Variants in ANKRD55 observed in about 807,000 individuals in gnomAD.
ANKRD55 encodes ankyrin repeat domain-containing protein 55.
In ANKRD55, 41 loss-of-function variants were observed where a neutral mutation model predicts 60.6. The ratio of observed to expected loss-of-function variants is 0.68; its 90% CI spans 0.53 to 0.88. The LOEUF is 0.88. Among genes scored for constraint, ANKRD55 ranks in the 40% least tolerant of loss-of-function variants. ANKRD55 has a pLI of 0.00. For missense variants in ANKRD55, 732 were observed against 767.6 expected (o/e 0.95, Z 0.55); for synonymous variants, 264 against 290.3 (o/e 0.91, Z 0.92).
chr5:56,123,860 T>C (rs778788731), intron 8 of ANKRD55, among the ~76,000 whole-genome samples: 15 of 152,174 alleles, frequency 9.9e-5, no homozygotes, highest in Non-Finnish European at 2.1e-4. Context: ...AAACTTTAGC[T>C]CCTTCTTATC....
At chr5:56,127,676 A>G (rs779727001) in intron 7 of ANKRD55, 7 of 576,074 alleles carry the variant, frequency 1.2e-5, no homozygotes, top group Non-Finnish European at 1.5e-5. Flanking sequence ...ACAGTCTTGT[A>G]TCAGACTTCG....
chr5:56,219,227 C>A (rs367910755), intron 2 of ANKRD55, among the ~76,000 whole-genome samples: 4 of 138,220 alleles, frequency 2.9e-5, no homozygotes, highest in Non-Finnish European at 1.5e-5. Flanking sequence ...GAGCAGAGAT[C>A]GTGCCACTGC....
intron 2 of ANKRD55, among the ~76,000 whole-genome samples, chr5:56,232,124 A>G (rs1023002112): frequency 7.9e-5 from 12 of 152,256 alleles, no homozygotes; most frequent in Non-Finnish European, 1.5e-4. Context: ...ACTATTACAC[A>G]TAAGTATTAC....
At chr5:56,187,838 A>C (rs1320629303) in intron 2 of ANKRD55, among the ~76,000 whole-genome samples, 1 of 152,222 alleles carries the variant, frequency 6.6e-6, no homozygotes, top group African/African-American at 2.4e-5. Flanking sequence ...CAAGAACCCC[A>C]GGTCAGATAA....
rs749953333 is a variant in ANKRD55, at chr5:56,111,271, G to A, written c.1477C>T (p.Pro493Ser). ...RTGCQMLLDN[P>S]WKSDSNQVFS... The stretch of plus-strand genomic sequence containing the variant: ...ACCTGATTAGAATCACTCTTCCAGG[G>A]GTTATCTAGTAACATCTGGCAGCCA... The change falls in exon 10 of 12, where the codon CCC (proline) becomes TCC (serine). Residue 493 changes from proline to serine, a missense_variant. Around this residue, in one of 3 missense-constraint regions of ANKRD55, gnomAD observed 597 missense variants for 607.5 expected, o/e 0.98. Coordinates refer to ENST00000341048, the MANE Select transcript of ANKRD55 (RefSeq NM_024669.3). 8.1e-6 allele frequency: 13 copies of A among 1,614,080 alleles called. 1 individual carries two copies. The South Asian group carries it at 1.1e-4, about 14-fold the overall frequency.
Position 56,228,749 on chromosome 5 carries a change from C to T in ANKRD55, c.58+4107G>A, listed in dbSNP as rs200477835. Among the ~76,000 whole-genome samples, 8 of 152,256 alleles carry T rather than the reference C, an allele frequency of 5.3e-5. No individual in the cohort carries two copies. The East Asian group carries it at 1.4e-3, about 26-fold the overall frequency. On this transcript the variant is annotated intron_variant, in intron 2 of 11. Transcript: ENST00000341048. Reference sequence around the variant, plus strand: ...CTGCTGCTGACATCTTGATTTCAGACTTTTGGGCACCAGAACTGTGAGAGG... The same window carrying T: ...CTGCTGCTGACATCTTGATTTCAGATTTTTGGGCACCAGAACTGTGAGAGG...
At chr5:56,211,606 T>C (rs1261216731) in intron 2 of ANKRD55, among the ~76,000 whole-genome samples, 1 of 152,194 alleles carries the variant, frequency 6.6e-6, no homozygotes, top group Non-Finnish European at 1.5e-5. Context: ...ACTCTTTCAC[T>C]CAGAGACAAA....
chr5:56,166,985 A>G (rs1758499276), intron 5 of ANKRD55, among the ~76,000 whole-genome samples: 1 of 152,250 alleles, frequency 6.6e-6, no homozygotes, highest in Non-Finnish European at 1.5e-5. Flanking sequence ...TCTACTTTAA[A>G]CATTTAATGC....
chr5:56,119,424 T>G (rs1316046973), intron 8 of ANKRD55, among the ~76,000 whole-genome samples: 2 of 152,182 alleles, frequency 1.3e-5, no homozygotes, highest in Non-Finnish European at 2.9e-5. Context: ...TTGCCAGGGC[T>G]TAGGGATGGG....
At chr5:56,162,771 G>A (rs1366921858) in intron 5 of ANKRD55, among the ~76,000 whole-genome samples, 3 of 151,588 alleles carry the variant, frequency 2.0e-5, no homozygotes, top group African/African-American at 7.3e-5. Context: ...CTGGGCTGAA[G>A]CGATTCATCC....
intron 10 of ANKRD55, among the ~76,000 whole-genome samples, chr5:56,106,420 C>CCTTTTTTTTTTTTTT (rs1756472916): frequency 1.0e-5 from 1 of 96,940 alleles, no homozygotes; most frequent in Non-Finnish European, 1.8e-5. Context: ...GCTAGGAAAG[C>CCTTTTTTTTTTTTTT]TTTTTTTTTT....
At position 56,111,683 on chromosome 5, in the gene ANKRD55, T is replaced by C. The variant is rs373435320; in HGVS notation, c.1065A>G (p.Lys355=). ...CCTTCTGATGGGCTCTCTGCTCTTC[T>C]TTCTTGTTTTTGCAGAATATTTGGT... ...VLNQIFCKNK[K]EEQRAHQKDP... The change falls in exon 10 of 12, where the codon AAA becomes AAG. Residue 355 remains lysine (K), a synonymous_variant. Transcript: ENST00000341048. The C allele has an allele frequency of 1.3e-6, 2 of 1,523,378 alleles. No homozygotes were observed. The highest frequency in any genetic ancestry group is 1.8e-6 in the Non-Finnish European group (2 of 1,140,628). The allele number at this position is 1,523,378 out of a possible 1,614,324, so 94.4% of individuals were successfully genotyped here.
rs752715295 is a variant in ANKRD55, at chr5:56,127,087, C to A, written c.632G>T (p.Cys211Phe). Residue 211 changes from cysteine (C) to phenylalanine (F), a missense_variant, in exon 8 of 12, where the codon TGC becomes TTC. By Grantham distance (205) the Cys-to-Phe change is radical. This residue lies in a region of ANKRD55 where 597 missense variants were observed against 607.5 expected (regional missense o/e 0.98). Transcript: ENST00000341048. ...WAVQSGNRIL[C>F]SIILSHHQGP... Reference sequence around the variant, plus strand: ...CTGGTGATGGCTCAGAATGATGGAGCACAGAATCCTATTTCCACTCTGGAA... The same window carrying A: ...CTGGTGATGGCTCAGAATGATGGAGAACAGAATCCTATTTCCACTCTGGAA... 5.6e-6 allele frequency: 9 copies of A among 1,610,446 alleles called. No homozygotes were observed. Among genetic ancestry groups the A allele is most frequent in the Non-Finnish European group, 5.9e-6 (7 of 1,178,288 alleles).
intron 7 of ANKRD55, among the ~76,000 whole-genome samples, chr5:56,141,695 C>T (rs1365343852): frequency 1.3e-5 from 2 of 152,058 alleles, no homozygotes; most frequent in Non-Finnish European, 2.9e-5. Context: ...GTCTGTTCAT[C>T]TTCATCCTTT....
chr5:56,198,907 G>A (rs368098811), intron 2 of ANKRD55, among the ~76,000 whole-genome samples: 4 of 149,930 alleles, frequency 2.7e-5, no homozygotes, highest in African/African-American at 9.7e-5. Context: ...GTGAAACCCC[G>A]TCTCTACTAA....
chr5:56,217,674 C>A (rs1158252066), intron 2 of ANKRD55, among the ~76,000 whole-genome samples: 1 of 152,114 alleles, frequency 6.6e-6, no homozygotes, highest in Non-Finnish European at 1.5e-5. Context: ...GCGGGTGTAT[C>A]ATGAAGTCAG....
intron 10 of ANKRD55, chr5:56,110,641 C>T (rs1307513640): frequency 6.0e-6 from 1 of 166,878 alleles, no homozygotes; most frequent in Non-Finnish European, 1.3e-5. Flanking sequence ...ATCTAACTCA[C>T]AAATGTGCAA....
chr5:56,120,796 G>A (rs1020101179), intron 8 of ANKRD55, among the ~76,000 whole-genome samples: 8 of 152,044 alleles, frequency 5.3e-5, no homozygotes, highest in African/African-American at 1.9e-4. Flanking sequence ...CTACTCGGGA[G>A]GCTGAGGCAG....
chr5:56,141,044 T>C (rs537806221), intron 7 of ANKRD55, among the ~76,000 whole-genome samples: 1 of 151,246 alleles, frequency 6.6e-6, no homozygotes, highest in East Asian at 1.9e-4. Context: ...ACCTGGGCAA[T>C]AGAGTAAGAC....
Sources: gnomAD v4.1 joint callset for allele counts (sites outside exome capture counted in the v4.1 genomes callset) on GRCh38, gnomAD v4.1.1 for gene constraint, gnomAD v4.1.1 regional missense constraint, MANE v1.5 for transcripts, NCBI Gene and HGNC (gene_info 2026-07-23, HGNC 2026-07-21) for gene names.